The following SEMA6A variants were observed in gnomAD, a reference collection of about 807,000 sequenced individuals.
SEMA6A encodes the protein semaphorin-6A.
A neutral mutation model predicts 96.8 loss-of-function variants in SEMA6A; 25 were observed. The observed-to-expected ratio is 0.26, with a 90% confidence interval of 0.19 to 0.36. SEMA6A has a LOEUF of 0.36. SEMA6A is among the 10% of genes least tolerant of loss of function. The probability of loss-of-function intolerance (pLI) is 1.00; values close to 1 mark genes in which losing one functional copy is unlikely to be tolerated. For missense variants in SEMA6A, 1,363 were observed against 1,323.1 expected, an observed-to-expected ratio of 1.03 and a Z score of -0.47; for synonymous variants, 612 against 518.0, an observed-to-expected ratio of 1.18 and a Z score of -2.46.
chr5:116,496,096 TG>T (rs1757587063), intron 5 of SEMA6A, 154 bp downstream of exon 5: 1 of 622,404 alleles, frequency 1.6e-6, no homozygotes, highest in African/African-American at 1.9e-5. Context: ...AAACTATTTT[TG>T]CAAATTAAAG....
At chr5:116,479,184 C>G (rs1331122840) in intron 12 of SEMA6A, among the ~76,000 whole-genome samples, 2 of 152,180 alleles carry the variant, frequency 1.3e-5, no homozygotes, top group Admixed American at 1.3e-4. Flanking sequence ...GATTGGAAAG[C>G]TTTCTGAAGG....
rs552909319 is a variant in SEMA6A, at chr5:116,545,557, C to CG, written c.-39+28627dup. Among the ~76,000 whole-genome samples the CG allele has an allele frequency of 1.3e-3, 193 of 152,022 alleles. 2 individuals carry two copies. In the East Asian group the frequency reaches 0.023, roughly 18 times the overall value. On this transcript the variant is annotated intron_variant, in intron 1 of 18. Transcript: ENST00000343348. ...TGCACTCCAGCCTGGGGGACAAGAG[C>CG]GAAACTTCATCTTAAAAAAAAAATT...
intron 1 of SEMA6A, among the ~76,000 whole-genome samples, chr5:116,553,784 G>A (rs1231515943): frequency 6.6e-6 from 1 of 152,032 alleles, no homozygotes; most frequent in Non-Finnish European, 1.5e-5. Flanking sequence ...GAGATGTTAG[G>A]GGGGAAAAAA....
chr5:116,570,627 A>G (rs1561542509), intron 1 of SEMA6A, among the ~76,000 whole-genome samples: 1 of 152,240 alleles, frequency 6.6e-6, no homozygotes, highest in Non-Finnish European at 1.5e-5. Context: ...TCCTGCAAAC[A>G]AATAAGATGG....
chr5:116,455,687 C>A (rs978758553), intron 18 of SEMA6A, among the ~76,000 whole-genome samples: 2 of 152,278 alleles, frequency 1.3e-5, no homozygotes, highest in African/African-American at 4.8e-5. Context: ...TATGAAGAAA[C>A]AGGTCTGTTT....
At chr5:116,506,984 T>A (rs1758171080) in intron 1 of SEMA6A, among the ~76,000 whole-genome samples, 1 of 152,170 alleles carries the variant, frequency 6.6e-6, no homozygotes, top group Non-Finnish European at 1.5e-5. Context: ...CCAATTTTAA[T>A]TTTTTCCATC....
intron 1 of SEMA6A, among the ~76,000 whole-genome samples, chr5:116,508,988 C>CT (rs1354463696): frequency 1.3e-5 from 2 of 152,234 alleles, no homozygotes; most frequent in Admixed American, 1.3e-4. Context: ...AACCCACTGT[C>CT]TATACACACA....
intron 17 of SEMA6A, chr5:116,471,075 C>G (rs987129335): frequency 3.3e-5 from 5 of 152,194 alleles, no homozygotes; most frequent in African/African-American, 1.2e-4. Context: ...TAAGTACTGT[C>G]TGAACCAGCT....
intron 1 of SEMA6A, among the ~76,000 whole-genome samples, chr5:116,523,706 A>G (rs1279005791): frequency 1.3e-5 from 2 of 152,178 alleles, no homozygotes; most frequent in Non-Finnish European, 2.9e-5. Context: ...AATCACCTAG[A>G]GAGCTTCAAA....
At chr5:116,567,196 A>G (rs887339292) in intron 1 of SEMA6A, among the ~76,000 whole-genome samples, 1 of 151,916 alleles carries the variant, frequency 6.6e-6, no homozygotes, top group South Asian at 2.1e-4. Context: ...TTTGGGTGTG[A>G]TATTTCAAAT....
chr5:116,565,042 C>G (rs1760972347), intron 1 of SEMA6A, among the ~76,000 whole-genome samples: 1 of 152,234 alleles, frequency 6.6e-6, no homozygotes, highest in Non-Finnish European at 1.5e-5. Context: ...TCATTTACCT[C>G]CACATTTGTG....
chr5:116,547,800 G>A (rs1760247477), intron 1 of SEMA6A, among the ~76,000 whole-genome samples: 1 of 143,410 alleles, frequency 7.0e-6, no homozygotes, highest in South Asian at 2.4e-4. Flanking sequence ...AATGTAAAGT[G>A]TTCTGCAAAT....
chr5:116,458,768 C>G (rs1192602074), intron 18 of SEMA6A, among the ~76,000 whole-genome samples: 1 of 151,998 alleles, frequency 6.6e-6, no homozygotes, highest in Non-Finnish European at 1.5e-5. Context: ...ATAATCTCAT[C>G]AAGACCTTAG....
At chr5:116,477,736 G>A (rs1273604168) in intron 15 of SEMA6A, 110 bp downstream of exon 15, 3 of 1,087,064 alleles carry the variant, frequency 2.8e-6, no homozygotes, top group African/African-American at 3.1e-5. Context: ...CGTTGCTGGA[G>A]TTTGCACAGA....
chr5:116,487,996 C>CA lies in SEMA6A; in HGVS notation c.744+111_744+112insT. ...GCAGATAGGGCCTCCAGACCGCACT[C>CA]TGTTATTAGATTTATGGCTCTCATT... On this transcript the variant is annotated intron_variant, in intron 9 of 18. Transcript: ENST00000343348. The CA allele has an allele frequency of 1.2e-5, 8 of 652,472 alleles. No homozygotes were observed. The East Asian group carries it at 2.1e-4, about 17-fold the overall frequency. The allele number at this position is 652,472 out of a possible 1,614,324, so 40.4% of individuals were successfully genotyped here. A position where few individuals can be genotyped will look rare whatever the true frequency, so the allele number is the denominator to read the frequency against.
chr5:116,530,057 C>T (rs955521134), intron 1 of SEMA6A, among the ~76,000 whole-genome samples: 5 of 152,018 alleles, frequency 3.3e-5, no homozygotes, highest in South Asian at 2.1e-4. Flanking sequence ...ATTAATTGAA[C>T]GATTTTATAA....
chr5:116,461,365 G>A (rs1430793458), intron 18 of SEMA6A, among the ~76,000 whole-genome samples: 2 of 152,008 alleles, frequency 1.3e-5, no homozygotes, highest in African/African-American at 4.8e-5. Flanking sequence ...TTTTTCTGAA[G>A]TCTCCTTGAA....
At chr5:116,476,878 A>C (rs571920349) in intron 15 of SEMA6A, among the ~76,000 whole-genome samples, 5 of 152,184 alleles carry the variant, frequency 3.3e-5, no homozygotes, top group Non-Finnish European at 7.4e-5. Context: ...GCATTAGTCA[A>C]ATTTCTAGGT....
In SEMA6A at chr5:116,533,080, A is replaced by C. The variant is rs115782095; in HGVS notation, c.-38-28098T>G. On this transcript the variant is annotated intron_variant, in intron 1 of 18. Transcript: ENST00000343348. ...TGAAAATAAATCCTATCACACATCT[A>C]TTTGGTAAAGTTTTGGCCTTTTGAT... Among the ~76,000 whole-genome samples the C allele has an allele frequency of 4.1e-3, 625 of 152,300 alleles. 4 individuals carry two copies. The highest frequency in any genetic ancestry group is 0.015 in the African/African-American group (611 of 41,564).
Sources: allele counts gnomAD v4.1 joint callset (sites outside exome capture counted in the v4.1 genomes callset), GRCh38; gene constraint gnomAD v4.1.1; transcripts MANE v1.5; gene names NCBI Gene and HGNC (gene_info 2026-07-23, HGNC 2026-07-21).